Variants in MYO3A observed in about 807,000 individuals in gnomAD.
The protein encoded by MYO3A is myosin-IIIa.
In MYO3A, 180 loss-of-function variants were observed where a neutral mutation model predicts 192.7. The observed-to-expected ratio is 0.93, with a 90% CI of 0.83 to 1.06. The LOEUF (loss-of-function observed/expected upper bound fraction) is 1.06. Among genes scored for constraint, MYO3A ranks in the 50% least tolerant of loss-of-function variants. The probability of loss-of-function intolerance (pLI) is 0.00; values close to 1 mark genes in which losing one functional copy is unlikely to be tolerated. For missense variants in MYO3A, 1,896 were observed against 1,905.0 expected (o/e 1.00, Z 0.09); for synonymous variants, 628 against 645.3 (o/e 0.97, Z 0.41).
At chr10:25,959,096 A>G (rs1837748461) in intron 4 of MYO3A, among the ~76,000 whole-genome samples, 1 of 152,136 alleles carries the variant, frequency 6.6e-6, no homozygotes, top group Non-Finnish European at 1.5e-5. Flanking sequence ...TAGATATAGA[A>G]TCATGTCGTC....
intron 20 of MYO3A, 65 bp from the exon 21 acceptor site, chr10:26,143,383 T>C: frequency 6.7e-7 from 1 of 1,493,286 alleles, no homozygotes; most frequent in Non-Finnish European, 9.3e-7. Context: ...CAAAGTAAAA[T>C]TTTAGGTAAT....
intron 6 of MYO3A, among the ~76,000 whole-genome samples, chr10:26,000,315 T>C (rs1840709790): frequency 6.6e-6 from 1 of 152,244 alleles, no homozygotes; most frequent in Non-Finnish European, 1.5e-5. Flanking sequence ...TGGAAAATAC[T>C]TCGAAATTTA....
At chr10:26,155,319 G>A (rs1353448726) in intron 25 of MYO3A, among the ~76,000 whole-genome samples, 1 of 152,218 alleles carries the variant, frequency 6.6e-6, no homozygotes, top group Non-Finnish European at 1.5e-5. Flanking sequence ...ACGTGCTTAA[G>A]AGAGTGTGCT....
intron 17 of MYO3A, among the ~76,000 whole-genome samples, chr10:26,110,724 C>T (rs1331309870): frequency 6.6e-6 from 1 of 152,094 alleles, no homozygotes; most frequent in Non-Finnish European, 1.5e-5. Context: ...GCCATGAGGT[C>T]TGCGTGGTAG....
At chr10:25,949,325 CTG>C (rs1387562653) in intron 2 of MYO3A, among the ~76,000 whole-genome samples, 5 of 152,008 alleles carry the variant, frequency 3.3e-5, no homozygotes, top group Admixed American at 2.6e-4. Flanking sequence ...GAAATGAAGA[CTG>C]TGTTCAGTAA....
chr10:26,081,341 T>A (rs1835944787), intron 14 of MYO3A, among the ~76,000 whole-genome samples: 1 of 151,768 alleles, frequency 6.6e-6, no homozygotes, highest in South Asian at 2.1e-4. Flanking sequence ...GTCAGGGAAA[T>A]GGGGGAAAGC....
At chr10:26,003,279 A>C (rs1233898040) in intron 6 of MYO3A, among the ~76,000 whole-genome samples, 1 of 152,258 alleles carries the variant, frequency 6.6e-6, no homozygotes, top group Non-Finnish European at 1.5e-5. Flanking sequence ...TCAGTGCTAT[A>C]CACATAGTAG....
At chr10:26,177,643 T>C (rs1039701029) in intron 31 of MYO3A, among the ~76,000 whole-genome samples, 1 of 152,224 alleles carries the variant, frequency 6.6e-6, no homozygotes, top group East Asian at 1.9e-4. Flanking sequence ...CCCACGACTT[T>C]GAACCCTGCT....
chr10:26,043,479 A>T (rs61247361), intron 10 of MYO3A, among the ~76,000 whole-genome samples: 24,688 of 151,930 alleles, frequency 0.16, 2,278 homozygotes, highest in Non-Finnish European at 0.21. Context: ...AACCTTGGAA[A>T]CTTACCTGGT....
intron 2 of MYO3A, among the ~76,000 whole-genome samples, chr10:25,945,043 A>T (rs1384222208): frequency 2.0e-5 from 3 of 151,926 alleles, no homozygotes. Context: ...TTTATCTCTT[A>T]GCAGTACTTT....
rs369237068 is a variant in MYO3A, at chr10:26,060,177, T to C, written c.954-6798T>C. On this transcript the variant is annotated intron_variant, in intron 10 of 34. Coordinates refer to ENST00000642920, the MANE Select transcript of MYO3A (RefSeq NM_017433.5). The stretch of plus-strand genomic sequence containing the variant: ...GGGAGGCTGAGGCAGGAGAATCACT[T>C]GAACCCGGGAGGCAGAGGTTGTGGT... Among the ~76,000 whole-genome samples the C allele has an allele frequency of 6.6e-5, 10 of 152,210 alleles. No individual in the cohort carries two copies. The East Asian group carries it at 1.9e-3, about 29-fold the overall frequency.
At chr10:26,085,034 C>T (rs1836221128) in intron 14 of MYO3A, among the ~76,000 whole-genome samples, 1 of 152,074 alleles carries the variant, frequency 6.6e-6, no homozygotes, top group African/African-American at 2.4e-5. Flanking sequence ...TCCAGGCTAC[C>T]CAAATTGCTT....
intron 34 of MYO3A, 106 bp from the exon 35 acceptor site, chr10:26,211,737 G>A: frequency 6.5e-7 from 1 of 1,544,054 alleles, no homozygotes; most frequent in South Asian, 1.2e-5. Context: ...AAATGTCCGC[G>A]GTTGGCAGAA....
At chr10:25,988,716 A>G (rs1372701468) in intron 4 of MYO3A, among the ~76,000 whole-genome samples, 2 of 152,180 alleles carry the variant, frequency 1.3e-5, no homozygotes, top group East Asian at 3.9e-4. Context: ...ACAGTGGTTC[A>G]TCCATTCAGT....
intron 6 of MYO3A, among the ~76,000 whole-genome samples, chr10:26,013,221 G>T (rs1005228976): frequency 1.3e-5 from 2 of 152,012 alleles, no homozygotes; most frequent in Admixed American, 6.6e-5. Flanking sequence ...CCTAGGCAAA[G>T]AATTCATGAC....
rs1554816581 is a variant in MYO3A at position 26,062,530 on chromosome 10, A to AAAAAAAAAAAAAAAAACG, written c.954-4442_954-4441insAAAAAAAAAAAAACGAAA. ...GATGCCATCTCAAAAAAAAAAAAAA[A>AAAAAAAAAAAAAAAAACG]AAATTATGGAGGAATCTAATTAAGA... is the stretch of plus-strand genomic sequence containing the variant. On this transcript the variant is annotated intron_variant, in intron 10 of 34. Coordinates refer to ENST00000642920, the MANE Select transcript of MYO3A (RefSeq NM_017433.5). Among the ~76,000 whole-genome samples, 402 of 125,902 alleles carry AAAAAAAAAAAAAAAAACG rather than the reference A, an allele frequency of 3.2e-3. 17 individuals carry two copies. Among genetic ancestry groups the AAAAAAAAAAAAAAAAACG allele is most frequent in the Non-Finnish European group, 4.8e-3 (278 of 58,464 alleles). The allele number at this position is 125,902 out of a possible 152,430, so 82.6% of individuals were successfully genotyped here.
intron 6 of MYO3A, among the ~76,000 whole-genome samples, chr10:25,999,228 A>G (rs1218518319): frequency 2.0e-5 from 3 of 152,182 alleles, no homozygotes; most frequent in Non-Finnish European, 4.4e-5. Flanking sequence ...AACATCATAA[A>G]TTGGAGTAGT....
At chr10:26,019,319 C>T (rs1476627669) in intron 7 of MYO3A, among the ~76,000 whole-genome samples, 1 of 151,732 alleles carries the variant, frequency 6.6e-6, no homozygotes, top group Non-Finnish European at 1.5e-5. Flanking sequence ...AGTGCAGTGG[C>T]GCAATCTCGG....
At position 25,943,649 on chromosome 10, in the gene MYO3A, A is replaced by G. The variant is rs1302386529; in HGVS notation, c.-18+7819A>G. On this transcript the variant is annotated intron_variant, in intron 2 of 34. Transcript: ENST00000642920. ...TCTTTTTGATTCTATTGTAGATTAA[A>G]TTGTTTTCCTAATTTCTTCTTCTGG... Among the ~76,000 whole-genome samples the G allele has an allele frequency of 2.6e-5, 4 of 152,028 alleles. No individual in the cohort carries two copies. The East Asian group carries it at 5.8e-4, about 22-fold the overall frequency.
Sources: allele counts gnomAD v4.1 joint callset (sites outside exome capture counted in the v4.1 genomes callset), GRCh38; gene constraint gnomAD v4.1.1; transcripts MANE v1.5; gene names NCBI Gene and HGNC (gene_info 2026-07-23, HGNC 2026-07-21).